The following SORCS2 variants were observed in gnomAD, a reference collection of about 807,000 sequenced individuals.
SORCS2 encodes sortilin related VPS10 domain containing receptor 2.
Under a neutral mutation model 141.6 loss-of-function variants are expected in SORCS2, and 100 were observed. The observed-to-expected ratio is 0.71, with a 90% CI of 0.60 to 0.83. SORCS2 has a LOEUF of 0.83. Ranked by LOEUF, SORCS2 falls within the 40% of genes least tolerant of loss-of-function variation. The pLI is 0.00. For missense variants in SORCS2, 1,646 were observed against 1,560.2 expected (o/e 1.05, Z -0.93); for synonymous variants, 789 against 676.9 (o/e 1.17, Z -2.57).
At chr4:7,430,152 G>T (rs552266298) in intron 2 of SORCS2, 1 of 152,052 alleles carries the variant, frequency 6.6e-6, no homozygotes, top group Admixed American at 6.5e-5. Context: ...TGTCCCTGAC[G>T]TGCCCCTCCA....
chr4:7,393,771 G>T (rs1204198021), intron 1 of SORCS2, among the ~76,000 whole-genome samples: 2 of 152,136 alleles, frequency 1.3e-5, no homozygotes, highest in African/African-American at 4.8e-5. Context: ...CGGCTCCTAT[G>T]GCTTATGGGT....
At chr4:7,676,007 C>A in intron 8 of SORCS2, 43 bp from the exon 9 acceptor site, 1 of 1,548,544 alleles carries the variant, frequency 6.5e-7, no homozygotes, top group East Asian at 2.4e-5. Flanking sequence ...TCGTGCAGCC[C>A]CCAGCCTGGC....
chr4:7,651,888 A>C (rs910816169), intron 4 of SORCS2, among the ~76,000 whole-genome samples: 18 of 152,182 alleles, frequency 1.2e-4, no homozygotes, highest in Non-Finnish European at 7.3e-5. Context: ...CATTCTTCTT[A>C]GGCCATGGAA....
At chr4:7,327,781 T>C (rs1719369335) in intron 1 of SORCS2, among the ~76,000 whole-genome samples, 2 of 152,176 alleles carry the variant, frequency 1.3e-5, no homozygotes, top group Admixed American at 6.5e-5. Flanking sequence ...CCTGAGTGCA[T>C]GAGGGCTTGG....
rs57789330 is a variant in SORCS2 at position 7,600,656 on chromosome 4, TACACACACACACACAC to T, written c.649-37645_649-37630del. Among the ~76,000 whole-genome samples the T allele has an allele frequency of 7.1e-3, 995 of 140,978 alleles. 11 individuals carry two copies. The highest frequency in any genetic ancestry group is 0.025 in the African/African-American group (900 of 36,632). 92.5% of individuals were successfully genotyped at this position (140,978 alleles called of 152,430 possible). A position where few individuals can be genotyped will look rare whatever the true frequency, so the allele number is the denominator to read the frequency against. ...TTAGATTACGATATACATATATATA[TACACACACACACACAC>T]ACACACACACACACACACACACACA... On this transcript the variant is annotated intron_variant, in intron 3 of 26. Coordinates refer to ENST00000507866, the MANE Select transcript of SORCS2 (RefSeq NM_020777.3).
At chr4:7,438,859 A>G (rs140443734) in intron 2 of SORCS2, among the ~76,000 whole-genome samples, 42 of 152,108 alleles carry the variant, frequency 2.8e-4, no homozygotes, top group African/African-American at 9.9e-4. Flanking sequence ...ACACATGTAT[A>G]TATTTGCACA....
At chr4:7,698,953 G>A (rs746156636) in intron 12 of SORCS2, among the ~76,000 whole-genome samples, 7 of 152,192 alleles carry the variant, frequency 4.6e-5, no homozygotes, top group Non-Finnish European at 1.0e-4. Flanking sequence ...AGCCCAGGAC[G>A]GTCTCCGTGG....
chr4:7,338,637 T>G (rs967924034), intron 1 of SORCS2, among the ~76,000 whole-genome samples: 6 of 152,192 alleles, frequency 3.9e-5, no homozygotes, highest in Non-Finnish European at 7.3e-5. Flanking sequence ...TCCTGCCCTC[T>G]CCAGCTTTGC....
At chr4:7,237,768 G>T (rs537960965) in intron 1 of SORCS2, among the ~76,000 whole-genome samples, 86 of 152,112 alleles carry the variant, frequency 5.7e-4, no homozygotes, top group Admixed American at 1.0e-3. Context: ...GATTGACAAA[G>T]CTCTTTGGAA....
chr4:7,215,108 A>C (rs1313077546), intron 1 of SORCS2, among the ~76,000 whole-genome samples: 1 of 151,944 alleles, frequency 6.6e-6, no homozygotes, highest in Non-Finnish European at 1.5e-5. Context: ...CCACTCCCTC[A>C]GCTTGCAGGG....
In SORCS2 at chr4:7,315,031, T is replaced by C. The variant is rs113590823; in HGVS notation, c.481-81257T>C. On this transcript the variant is annotated intron_variant, in intron 1 of 26. Coordinates refer to ENST00000507866, the MANE Select transcript of SORCS2 (RefSeq NM_020777.3). ...TATTTTTAGTAGAGACAGGGTTTCATTATATTGGCCAGGCTGGTCTCGAAC... is the reference window on the plus strand; with the variant it reads ...TATTTTTAGTAGAGACAGGGTTTCACTATATTGGCCAGGCTGGTCTCGAAC... 3.1e-3 allele frequency among the ~76,000 whole-genome samples: 466 copies of C among 151,970 alleles called. 2 individuals carry two copies. The highest frequency in any genetic ancestry group is 0.011 in the African/African-American group (440 of 41,442).
chr4:7,589,509 T>C (rs1189867628), intron 3 of SORCS2, among the ~76,000 whole-genome samples: 2 of 152,184 alleles, frequency 1.3e-5, no homozygotes, highest in South Asian at 4.1e-4. Flanking sequence ...TTCAAGCGAT[T>C]CTTCTGCCTC....
chr4:7,266,153 C>T (rs571702996), intron 1 of SORCS2, among the ~76,000 whole-genome samples: 2 of 152,296 alleles, frequency 1.3e-5, no homozygotes, highest in East Asian at 1.9e-4. Flanking sequence ...CTGTCCCTCA[C>T]GAGTTGGGTC....
At chr4:7,523,437 G>A (rs780672176) in intron 2 of SORCS2, among the ~76,000 whole-genome samples, 1 of 152,172 alleles carries the variant, frequency 6.6e-6, no homozygotes, top group Non-Finnish European at 1.5e-5. Context: ...CCAGCTGTGT[G>A]CCTGGCCAGT....
intron 2 of SORCS2, among the ~76,000 whole-genome samples, chr4:7,422,571 G>C (rs916707294): frequency 6.6e-6 from 1 of 152,124 alleles, no homozygotes; most frequent in Non-Finnish European, 1.5e-5. Context: ...CCCCCTTGGT[G>C]CTCCTGCCCT....
chr4:7,317,976 G>A (rs922649403), intron 1 of SORCS2, among the ~76,000 whole-genome samples: 7 of 152,170 alleles, frequency 4.6e-5, no homozygotes, highest in Admixed American at 1.3e-4. Context: ...TCCAGCAAAC[G>A]TCTGGAGGCA....
intron 1 of SORCS2, among the ~76,000 whole-genome samples, chr4:7,251,718 G>A (rs533205040): frequency 5.4e-4 from 82 of 152,244 alleles, no homozygotes; most frequent in African/African-American, 2.0e-3. Flanking sequence ...GGGGAGGTGA[G>A]AAGTCCTCCA....
chr4:7,668,310 G>A (rs1279533729), intron 8 of SORCS2, among the ~76,000 whole-genome samples: 1 of 152,252 alleles, frequency 6.6e-6, no homozygotes, highest in African/African-American at 2.4e-5. Flanking sequence ...GAGTGCTTGT[G>A]TGTGTGGCTG....
intron 2 of SORCS2, chr4:7,433,334 G>A: frequency 7.0e-7 from 1 of 1,422,886 alleles, no homozygotes; most frequent in East Asian, 2.6e-5. Context: ...TCCCCAGCGT[G>A]GAGGTGCATC....
Sources: gnomAD v4.1 joint callset for allele counts (sites outside exome capture counted in the v4.1 genomes callset) on GRCh38, gnomAD v4.1.1 for gene constraint, MANE v1.5 for transcripts, NCBI Gene and HGNC (gene_info 2026-07-23, HGNC 2026-07-21) for gene names.